Variants in KANK1 observed in about 807,000 individuals in gnomAD.
The protein encoded by KANK1 is KN motif and ankyrin repeat domains 1.
In KANK1, 109 loss-of-function variants were observed where a neutral mutation model predicts 106.2. The observed-to-expected ratio is 1.03, with a 90% CI of 0.88 to 1.20. KANK1 has a LOEUF of 1.20. KANK1 is among the 50% of genes most tolerant of loss of function. The probability of loss-of-function intolerance (pLI) is 0.00; values close to 1 mark genes in which losing one functional copy is unlikely to be tolerated. For synonymous variants in KANK1, 873 were observed against 652.2 expected, an observed-to-expected ratio of 1.34 and a Z score of -5.16; for missense variants, 2,399 against 1,710.7, an observed-to-expected ratio of 1.40 and a Z score of -7.10.
intron 5 of KANK1, 174 bp downstream of exon 5, chr9:731,440 T>A: frequency 2.0e-6 from 1 of 502,750 alleles, no homozygotes; most frequent in Non-Finnish European, 3.6e-6. Context: ...TCTGGTGCTG[T>A]CTTTAAGGAT....
intron 1 of KANK1, among the ~76,000 whole-genome samples, chr9:639,548 C>A (rs548778295): frequency 6.6e-6 from 1 of 152,052 alleles, no homozygotes; most frequent in Non-Finnish European, 1.5e-5. Flanking sequence ...AACTCCTGGC[C>A]TCAAGTCTTC....
intron 2 of KANK1, 33 bp from the exon 3 acceptor site, chr9:710,771 T>C: frequency 6.5e-7 from 1 of 1,534,974 alleles, no homozygotes. Context: ...GTGTATTGCA[T>C]GTCATTATAA....
At chr9:543,611 A>T (rs1049339146) in intron 1 of KANK1, among the ~76,000 whole-genome samples, 1 of 151,940 alleles carries the variant, frequency 6.6e-6, no homozygotes, top group Non-Finnish European at 1.5e-5. Context: ...AAGACACACT[A>T]CTGCGTGTTT....
At chr9:523,526 CCTT>C (rs1208475906) in intron 1 of KANK1, among the ~76,000 whole-genome samples, 65 of 151,866 alleles carry the variant, frequency 4.3e-4, no homozygotes, top group South Asian at 1.9e-3. Context: ...TCTGTTGGCT[CCTT>C]GTTTCTATGG....
intron 1 of KANK1, among the ~76,000 whole-genome samples, chr9:537,254 T>C (rs1386579328): frequency 1.3e-5 from 2 of 152,110 alleles, no homozygotes; most frequent in Non-Finnish European, 2.9e-5. Flanking sequence ...CTCTGTGACA[T>C]TTGGTATGTT....
intron 1 of KANK1, among the ~76,000 whole-genome samples, chr9:653,452 T>C (rs917560041): frequency 2.6e-5 from 4 of 152,086 alleles, no homozygotes; most frequent in African/African-American, 9.7e-5. Context: ...ATTAAATTAA[T>C]AGGACTTTTG....
intron 1 of KANK1, among the ~76,000 whole-genome samples, chr9:531,396 A>C (rs1329380): frequency 2.0e-5 from 3 of 152,036 alleles, no homozygotes; most frequent in African/African-American, 7.3e-5. Flanking sequence ...GTACCCCTAC[A>C]CTCCATCCTG....
At chr9:529,526 A>G (rs556964709) in intron 1 of KANK1, among the ~76,000 whole-genome samples, 6,121 of 152,056 alleles carry the variant, frequency 0.04, 128 homozygotes, top group Non-Finnish European at 0.053. Context: ...ATGTGTGTAT[A>G]TGATCATATT....
Position 558,584 on chromosome 9 carries a change from C to G in KANK1, c.-84+53830C>G, listed in dbSNP as rs1815513337. ...AGCTTAGCCAATGCGTCTCTTCTTC[C>G]TAAGGCACATCATGGCCTTGTTGTG... On this transcript the variant is annotated intron_variant, in intron 1 of 11. Coordinates refer to ENST00000382297, the MANE Select transcript of KANK1 (RefSeq NM_015158.5). Among the ~76,000 whole-genome samples the G allele has an allele frequency of 5.9e-5, 9 of 152,156 alleles. No homozygotes were observed. In the South Asian group the frequency reaches 1.9e-3, roughly 32 times the overall value.
At chr9:505,898 A>G (rs1385513384) in intron 1 of KANK1, among the ~76,000 whole-genome samples, 1 of 152,136 alleles carries the variant, frequency 6.6e-6, no homozygotes, top group African/African-American at 2.4e-5. Flanking sequence ...TGAATTCCTG[A>G]GTTTATTCAA....
intron 2 of KANK1, among the ~76,000 whole-genome samples, chr9:691,341 C>T (rs1438517408): frequency 6.6e-6 from 1 of 151,266 alleles, no homozygotes; most frequent in African/African-American, 2.4e-5. Context: ...ACATTCAGTA[C>T]TTTATTCGTT....
intron 1 of KANK1, among the ~76,000 whole-genome samples, chr9:592,950 T>C (rs1825331242): frequency 1.3e-5 from 2 of 151,898 alleles, no homozygotes; most frequent in African/African-American, 2.4e-5. Context: ...GCTGGTTCAA[T>C]ACCAAGAAAG....
intron 3 of KANK1, among the ~76,000 whole-genome samples, chr9:476,335 A>T (rs2058101919): frequency 6.6e-6 from 1 of 152,196 alleles, no homozygotes; most frequent in East Asian, 1.9e-4. Context: ...AGCCTGGTCA[A>T]CATAGTGAAA....
At chr9:573,896 A>C (rs1375264838) in intron 1 of KANK1, among the ~76,000 whole-genome samples, 1 of 152,228 alleles carries the variant, frequency 6.6e-6, no homozygotes, top group African/African-American at 2.4e-5. Flanking sequence ...GTAGATGAAC[A>C]GGGCACTTTT....
At chr9:511,199 G>C (rs1031669653) in intron 1 of KANK1, among the ~76,000 whole-genome samples, 3 of 152,182 alleles carry the variant, frequency 2.0e-5, no homozygotes, top group African/African-American at 7.2e-5. Flanking sequence ...GTATGGGTGG[G>C]AATTAGAGTA....
intron 2 of KANK1, among the ~76,000 whole-genome samples, chr9:698,711 A>C (rs1821916314): frequency 6.6e-6 from 1 of 152,130 alleles, no homozygotes; most frequent in Non-Finnish European, 1.5e-5. Flanking sequence ...TACTATTACC[A>C]CTTACCATCT....
chr9:558,495 A>G lies in KANK1; in HGVS notation c.-84+53741A>G, dbSNP rs181734336. 8.5e-5 allele frequency among the ~76,000 whole-genome samples: 13 copies of G among 152,316 alleles called. No homozygotes were observed. In the East Asian group the frequency reaches 2.1e-3, roughly 25 times the overall value. ...TCTGTTTAAAGATACCTTGTTTAAT[A>G]TACATTGTTGATTCATTAACATTGA... On this transcript the variant is annotated intron_variant, in intron 1 of 11. Transcript: ENST00000382297.
intron 3 of KANK1, among the ~76,000 whole-genome samples, chr9:722,602 T>G (rs953394021): frequency 2.6e-5 from 4 of 152,200 alleles, no homozygotes; most frequent in African/African-American, 9.7e-5. Flanking sequence ...CCTTATCAAG[T>G]TCAGAGAATT....
In KANK1 at chr9:671,689, C is replaced by T. The variant is rs144982685; in HGVS notation, c.-83-5201C>T. On this transcript the variant is annotated intron_variant, in intron 1 of 11. Transcript: ENST00000382297. The stretch of plus-strand genomic sequence containing the variant: ...GTGTCTCATGTAAGTACTTCAGGCT[C>T]TTAAATGTGTTACTCCAAGGAATAA... Among the ~76,000 whole-genome samples the T allele has an allele frequency of 1.9e-4, 29 of 149,602 alleles. 1 individual carries two copies. In the East Asian group the frequency reaches 2.8e-3, roughly 14 times the overall value.
Sources: allele counts gnomAD v4.1 joint callset (sites outside exome capture counted in the v4.1 genomes callset), GRCh38; gene constraint gnomAD v4.1.1; transcripts MANE v1.5; gene names NCBI Gene and HGNC (gene_info 2026-07-23, HGNC 2026-07-21).